PLEKHG5: variants seen among roughly 807,000 people sequenced by gnomAD.
PLEKHG5 encodes pleckstrin homology domain-containing family G member 5.
PLEKHG5 carries 52 observed loss-of-function variants against 103.8 expected under a neutral mutation model. That is an observed-to-expected ratio of 0.50 (90% CI 0.40 to 0.63). PLEKHG5 has a LOEUF of 0.63. Among genes scored for constraint, PLEKHG5 ranks in the 30% least tolerant of loss-of-function variants. The pLI is 0.00. For synonymous variants in PLEKHG5, 592 were observed against 575.5 expected (o/e 1.03, Z -0.41); for missense variants, 1,205 against 1,347.6 (o/e 0.89, Z 1.66).
chr1:6,497,371 C>T (rs1645243362), upstream of PLEKHG5: 1 of 1,084,804 alleles, frequency 9.2e-7, no homozygotes, highest in African/African-American at 1.7e-5. This position sits in a 1 kb window ranked among gnomAD's most constrained non-coding sequence, Gnocchi z 6.1. Context: ...GCGGGGGCGC[C>T]GGGGACGCCG....
rs1644550404 is a variant in PLEKHG5, at chr1:6,470,837, C to G, written c.1440G>C (p.Met480Ile). 1.3e-6 allele frequency: 2 copies of G among 1,577,748 alleles called. No homozygotes were observed. Residue 480 changes from methionine to isoleucine, a missense_variant, in exon 14 of 21, where the codon ATG becomes ATC. Transcript: ENST00000377728. ...TGAGCCGCTGGTGGGGTTTGGCCAG[C>G]ATGTCGCTCAGCTTCAGCCTCTGGC... ...PQCQRLKLSD[M>I]LAKPHQRLTK...
At chr1:6,479,825 A>G (rs1644857464) in intron 1 of PLEKHG5, among the ~76,000 whole-genome samples, 2 of 152,058 alleles carry the variant, frequency 1.3e-5, no homozygotes, top group African/African-American at 4.8e-5. Context: ...TGCCCAGGCT[A>G]GTCTTGAACT....
intron 1 of PLEKHG5, among the ~76,000 whole-genome samples, chr1:6,488,610 C>G (rs918410036): frequency 2.0e-5 from 3 of 152,196 alleles, no homozygotes; most frequent in Non-Finnish European, 4.4e-5. Flanking sequence ...GGGGACTGTT[C>G]CTTAGGGGCA....
At chr1:6,485,510 T>TTG in intron 1 of PLEKHG5, 1 of 1,230,008 alleles carries the variant, frequency 8.1e-7, no homozygotes. Flanking sequence ...CTTCCTGCCA[T>TTG]TGTGCGGCCG....
In PLEKHG5 at chr1:6,475,158, G is replaced by A. The variant is rs990630026; in HGVS notation, c.211-20C>T. ...TGGGTCCTGGGAGGATGGTGGGGGT[G>A]GGGGCTGTGAGCTTCTCCTCACCGC... On this transcript the variant is annotated intron_variant, in intron 4 of 20. Transcript: ENST00000377728. The A allele has an allele frequency of 1.5e-5, 21 of 1,431,808 alleles. No homozygotes were observed. Among genetic ancestry groups the A allele is most frequent in the Non-Finnish European group, 2.1e-5 (21 of 1,015,336 alleles). The allele number at this position is 1,431,808 out of a possible 1,614,324, so 88.7% of individuals were successfully genotyped here.
chr1:6,469,265 G>C, intron 18 of PLEKHG5, 24 bp from the exon 19 acceptor site: 1 of 1,613,880 alleles, frequency 6.2e-7, no homozygotes, highest in Non-Finnish European at 8.5e-7. Context: ...TGGGGTACAT[G>C]GGACAGAATG....
intron 1 of PLEKHG5, among the ~76,000 whole-genome samples, chr1:6,502,948 C>T (rs1645312709): frequency 6.6e-6 from 1 of 152,236 alleles, no homozygotes; most frequent in Non-Finnish European, 1.5e-5. Context: ...GGCAGGCACA[C>T]ACGGGTGAAC....
chr1:6,478,577 C>T (rs1376269137), intron 1 of PLEKHG5, among the ~76,000 whole-genome samples: 1 of 152,214 alleles, frequency 6.6e-6, no homozygotes, highest in Non-Finnish European at 1.5e-5. Flanking sequence ...TTCACGACTT[C>T]CTAGTTCTCT....
At chr1:6,478,357 C>T (rs1357501853) in intron 1 of PLEKHG5, among the ~76,000 whole-genome samples, 10 of 152,062 alleles carry the variant, frequency 6.6e-5, no homozygotes, top group African/African-American at 1.7e-4. Context: ...TTTGTAGAGA[C>T]GGGGTTTCAC....
chr1:6,467,764 T>C, intron 20 of PLEKHG5, 61 bp downstream of exon 20: 1 of 1,585,088 alleles, frequency 6.3e-7, no homozygotes, highest in Non-Finnish European at 8.6e-7. Context: ...CTCCCAGGCA[T>C]GAGTGGGCCC....
chr1:6,470,253 C>G lies in PLEKHG5; in HGVS notation c.1783G>C (p.Glu595Gln), dbSNP rs140597591. Residue 595 changes from glutamate to glutamine, a missense_variant, in exon 16 of 21, where the codon GAG becomes CAG. Transcript: ENST00000377728. ...LLLEGSLRMK[E>Q]GKDSKMDVYC... Reference sequence around the variant, plus strand: ...GGAATCACCTTGCTGTCCTTCCCCTCCTTCATCCTCAGGCTCCCCTCCAGC... The same window carrying G: ...GGAATCACCTTGCTGTCCTTCCCCTGCTTCATCCTCAGGCTCCCCTCCAGC... 59 of 1,613,914 alleles carry G rather than the reference C, an allele frequency of 3.7e-5. No individual in the cohort carries two copies. In the African/African-American group the frequency reaches 5.9e-4, roughly 16 times the overall value.
At chr1:6,498,873 G>A (rs1645264640), upstream of PLEKHG5, among the ~76,000 whole-genome samples, 1 of 152,354 alleles carries the variant, frequency 6.6e-6, no homozygotes, top group Middle Eastern at 3.4e-3. Context: ...AGGCAGCCGA[G>A]GCAAGAGACG....
In PLEKHG5 at chr1:6,472,894, G is replaced by A. The variant is rs933290822; in HGVS notation, c.984+92C>T. Reference sequence around the variant, plus strand: ...GCTAATGGTAACAGTGGCCTCTTTGGGGCGTCCCATGGAACATCTGATCAC... The same window carrying A: ...GCTAATGGTAACAGTGGCCTCTTTGAGGCGTCCCATGGAACATCTGATCAC... On this transcript the variant is annotated intron_variant, in intron 9 of 20. Coordinates refer to ENST00000377728, the MANE Select transcript of PLEKHG5 (RefSeq NM_020631.6). 150 of 1,245,268 alleles carry A rather than the reference G, an allele frequency of 1.2e-4. 1 individual carries two copies. In the South Asian group the frequency reaches 1.8e-3, roughly 15 times the overall value. The allele number at this position is 1,245,268 out of a possible 1,614,324, so 77.1% of individuals were successfully genotyped here.
At position 6,474,459 on chromosome 1, in the gene PLEKHG5, C is replaced by A. The variant is rs150152888; in HGVS notation, c.431G>T (p.Arg144Leu). The change falls in exon 6 of 21, where the codon CGT becomes CTT. Residue 144 changes from arginine to leucine, a missense_variant. By Grantham distance (102) the Arg-to-Leu change is moderately radical. Coordinates refer to ENST00000377728, the MANE Select transcript of PLEKHG5 (RefSeq NM_020631.6). Reference sequence around the variant, plus strand: ...CCCAGGCTGCTTCTCACCTTTGACACGAAGGTAGTGTCCCCCGAACCTGTA... The same window carrying A: ...CCCAGGCTGCTTCTCACCTTTGACAAGAAGGTAGTGTCCCCCGAACCTGTA... The part of the protein sequence containing the change: ...EAYRFGGHYL[R>L]VKAPAKPGDE... 10 of 1,613,750 alleles carry A rather than the reference C, an allele frequency of 6.2e-6. No homozygotes were observed. Among genetic ancestry groups the A allele is most frequent in the Non-Finnish European group, 8.5e-6 (10 of 1,180,014 alleles).
chr1:6,517,776 A>G (rs1195137213), intron 1 of PLEKHG5, among the ~76,000 whole-genome samples: 1 of 152,222 alleles, frequency 6.6e-6, no homozygotes, highest in African/African-American at 2.4e-5. Context: ...AGAAGGGTCC[A>G]TGGCCCAAAT....
intron 1 of PLEKHG5, among the ~76,000 whole-genome samples, chr1:6,484,174 T>C (rs148184077): frequency 6.6e-6 from 1 of 152,302 alleles, no homozygotes; most frequent in Non-Finnish European, 1.5e-5. Context: ...ATTCGCTCCT[T>C]ACGGAAGAGT....
upstream of PLEKHG5, chr1:6,496,585 A>G: frequency 2.0e-6 from 3 of 1,532,146 alleles, no homozygotes; most frequent in Non-Finnish European, 2.6e-6. Context: ...GGGGAGGAGC[A>G]GAGGGCATCA....
chr1:6,513,667 C>T (rs999317749), intron 1 of PLEKHG5, among the ~76,000 whole-genome samples: 3 of 152,208 alleles, frequency 2.0e-5, no homozygotes, highest in East Asian at 1.9e-4. Context: ...GCTCCTGGGC[C>T]GGGCTCCCAA....
Position 6,470,856 on chromosome 1 carries a change from C to T in PLEKHG5, c.1421G>A (p.Arg474Lys). ...TWAEKHPQCQRLKLSDMLAKP... is the reference protein window; with the variant it reads ...TWAEKHPQCQKLKLSDMLAKP... The stretch of plus-strand genomic sequence containing the variant: ...GGCCAGCATGTCGCTCAGCTTCAGC[C>T]TCTGGCACTGTGGGTGCTTCTCCGC... Residue 474 changes from arginine to lysine, a missense_variant, in exon 14 of 21, where the codon AGG becomes AAG. Coordinates refer to ENST00000377728, the MANE Select transcript of PLEKHG5 (RefSeq NM_020631.6). 6.3e-7 allele frequency: 1 copy of T among 1,575,588 alleles called. No homozygotes were observed. The highest frequency in any genetic ancestry group is 1.2e-5 in the South Asian group (1 of 86,512).
Sources: allele counts gnomAD v4.1 joint callset (sites outside exome capture counted in the v4.1 genomes callset), GRCh38; gene constraint gnomAD v4.1.1; non-coding constraint Gnocchi (gnomAD v3.1); transcripts MANE v1.5; gene names NCBI Gene and HGNC (gene_info 2026-07-23, HGNC 2026-07-21).